CAAP1: variants seen among roughly 807,000 people sequenced by gnomAD.
CAAP1 encodes the protein conserved anti-apoptotic protein.
In CAAP1, 20 loss-of-function variants were observed where a neutral mutation model predicts 34.0. The ratio of observed to expected loss-of-function variants is 0.59; its 90% CI spans 0.41 to 0.86. The LOEUF (loss-of-function observed/expected upper bound fraction) is 0.86, where lower values mean the gene tolerates loss of function less well. Among genes scored for constraint, CAAP1 ranks in the 40% least tolerant of loss-of-function variants. CAAP1 has a pLI of 0.00. For synonymous variants in CAAP1, 213 were observed against 166.7 expected (o/e 1.28, Z -2.14); for missense variants, 538 against 450.5 (o/e 1.19, Z -1.76).
At chr9:26,873,395 C>T (rs1823327395) in intron 4 of CAAP1, among the ~76,000 whole-genome samples, 1 of 152,294 alleles carries the variant, frequency 6.6e-6, no homozygotes, top group African/African-American at 2.4e-5. Flanking sequence ...CCCTCAAAAT[C>T]ACTCAATAAA....
At position 26,892,220 on chromosome 9, in the gene CAAP1, G is replaced by A. The variant is rs565169101; in HGVS notation, c.303+193C>T. The A allele has an allele frequency of 9.1e-5, 128 of 1,410,332 alleles. 2 individuals carry two copies. In the South Asian group the frequency reaches 1.7e-3, roughly 19 times the overall value. The allele number at this position is 1,410,332 out of a possible 1,614,324, so 87.4% of individuals were successfully genotyped here. ...TGATCAGGAAATCCAGAAACTTGAA[G>A]TTCAAGATTCAAGACACGGATGGGA... On this transcript the variant is annotated intron_variant, in intron 1 of 5. Coordinates refer to ENST00000333916, the MANE Select transcript of CAAP1 (RefSeq NM_024828.4).
At chr9:26,873,973 C>T (rs1052743852) in intron 4 of CAAP1, among the ~76,000 whole-genome samples, 7 of 151,828 alleles carry the variant, frequency 4.6e-5, no homozygotes, top group African/African-American at 1.2e-4. Context: ...TTTGGGAGGC[C>T]GAGGCGGGCA....
intron 5 of CAAP1, among the ~76,000 whole-genome samples, chr9:26,860,862 G>A (rs1468632541): frequency 6.6e-6 from 1 of 152,056 alleles, no homozygotes; most frequent in East Asian, 1.9e-4. Flanking sequence ...TAATTCTGGT[G>A]GCTTCTGTAA....
At chr9:26,890,577 CA>C (rs1419224330) in intron 1 of CAAP1, among the ~76,000 whole-genome samples, 3 of 151,716 alleles carry the variant, frequency 2.0e-5, no homozygotes, top group African/African-American at 7.3e-5. Context: ...TAGAACACAC[CA>C]AAAAAACACA....
intron 4 of CAAP1, among the ~76,000 whole-genome samples, chr9:26,863,262 G>C (rs1348671116): frequency 3.3e-5 from 5 of 152,174 alleles, no homozygotes; most frequent in Non-Finnish European, 5.9e-5. Flanking sequence ...CAGAATTTCA[G>C]ACAGTAAGTA....
chr9:26,877,122 CA>C (rs2131330450), intron 4 of CAAP1, among the ~76,000 whole-genome samples: 1 of 152,078 alleles, frequency 6.6e-6, no homozygotes, highest in South Asian at 2.1e-4. Flanking sequence ...CCGGCATGGG[CA>C]AAAGAGCGAG....
rs75455689 is a variant in CAAP1, at chr9:26,873,109, T to G, written c.665+11701A>C. On this transcript the variant is annotated intron_variant, in intron 4 of 5. Transcript: ENST00000333916. ...CTCTACAAAAAATTTAAAAATTAGCTGGTTGTCATGGCTCATGCCTGTGGT... is the reference window on the plus strand; with the variant it reads ...CTCTACAAAAAATTTAAAAATTAGCGGGTTGTCATGGCTCATGCCTGTGGT... Among the ~76,000 whole-genome samples the G allele has an allele frequency of 6.5e-3, 987 of 152,226 alleles. 45 individuals carry two copies. The East Asian group carries it at 0.12, about 19-fold the overall frequency.
intron 5 of CAAP1, among the ~76,000 whole-genome samples, chr9:26,849,681 T>C (rs1822697437): frequency 6.6e-6 from 1 of 150,764 alleles, no homozygotes; most frequent in Non-Finnish European, 1.5e-5. Flanking sequence ...ACTGTTTTTA[T>C]TTCCTTTTTT....
chr9:26,885,145 C>T (rs1363570968), intron 3 of CAAP1, among the ~76,000 whole-genome samples: 3 of 147,426 alleles, frequency 2.0e-5, no homozygotes, highest in Non-Finnish European at 4.4e-5. Flanking sequence ...GGCATGACCT[C>T]GGCTCACTGC....
intron 4 of CAAP1, among the ~76,000 whole-genome samples, chr9:26,881,799 C>T (rs1214079356): frequency 6.6e-6 from 1 of 152,134 alleles, no homozygotes; most frequent in Non-Finnish European, 1.5e-5. Context: ...GCCCAGAAGA[C>T]AGGAAAATGT....
At chr9:26,851,892 T>C (rs1406849379) in intron 5 of CAAP1, among the ~76,000 whole-genome samples, 1 of 152,162 alleles carries the variant, frequency 6.6e-6, no homozygotes, top group East Asian at 1.9e-4. Context: ...TGCTCCATAA[T>C]CTACCCATCC....
At chr9:26,880,270 G>A (rs1211449152) in intron 4 of CAAP1, 8 of 405,850 alleles carry the variant, frequency 2.0e-5, no homozygotes, top group East Asian at 8.3e-5. Flanking sequence ...CTTGCCTCCC[G>A]CAAAGCACCA....
At chr9:26,861,180 A>C in intron 4 of CAAP1, 41 bp from the exon 5 acceptor site, 1 of 1,418,884 alleles carries the variant, frequency 7.0e-7, no homozygotes, top group Non-Finnish European at 9.9e-7. Context: ...AACTATATTT[A>C]ATCACATAAT....
chr9:26,870,680 G>A (rs1044347528), intron 4 of CAAP1, among the ~76,000 whole-genome samples: 4 of 151,114 alleles, frequency 2.6e-5, no homozygotes, highest in Non-Finnish European at 4.4e-5. Flanking sequence ...GCAATGGCGC[G>A]ATCTCGGCTC....
intron 5 of CAAP1, among the ~76,000 whole-genome samples, chr9:26,849,276 CTACTT>C (rs1356315089): frequency 6.6e-6 from 1 of 152,174 alleles, no homozygotes; most frequent in Non-Finnish European, 1.5e-5. Flanking sequence ...AGCTCTTAAA[CTACTT>C]TACTCCTTTC....
At chr9:26,857,596 C>G (rs1026885431) in intron 5 of CAAP1, among the ~76,000 whole-genome samples, 15 of 152,138 alleles carry the variant, frequency 9.9e-5, no homozygotes, top group African/African-American at 3.6e-4. Context: ...CACACCACTG[C>G]ACTCCAGCCT....
intron 1 of CAAP1, among the ~76,000 whole-genome samples, chr9:26,890,306 G>A (rs1823868391): frequency 6.6e-6 from 1 of 151,860 alleles, no homozygotes; most frequent in South Asian, 2.1e-4. Flanking sequence ...GGCAGGCGGA[G>A]GTTGCAGTGG....
intron 5 of CAAP1, among the ~76,000 whole-genome samples, chr9:26,845,346 C>A (rs1429117161): frequency 1.3e-5 from 2 of 152,080 alleles, no homozygotes; most frequent in Non-Finnish European, 2.9e-5. Context: ...AAATATTTTT[C>A]TTTTCTGGAT....
In CAAP1 at chr9:26,885,459, ATATC is replaced by A. The variant is rs1261197189; in HGVS notation, c.590-578_590-575del. On this transcript the variant is annotated intron_variant, in intron 3 of 5. Transcript: ENST00000333916. ...ACTTACACACTATGTACATATGTAT[ATATC>A]TATTTCCAGAGTTACAAAATGCCAT... Among the ~76,000 whole-genome samples, 4 of 152,184 alleles carry A rather than the reference ATATC, an allele frequency of 2.6e-5. 1 individual carries two copies. The highest frequency in any genetic ancestry group is 5.9e-5 in the Non-Finnish European group (4 of 68,026).
Sources: allele counts gnomAD v4.1 joint callset (sites outside exome capture counted in the v4.1 genomes callset), GRCh38; gene constraint gnomAD v4.1.1; transcripts MANE v1.5; gene names NCBI Gene and HGNC (gene_info 2026-07-23, HGNC 2026-07-21).